TENM3: variants seen among roughly 807,000 people sequenced by gnomAD.
The protein encoded by TENM3 is teneurin transmembrane protein 3, also known as teneurin-3.
Under a neutral mutation model 255.1 loss-of-function variants are expected in TENM3, and 63 were observed. The ratio of observed to expected loss-of-function variants is 0.25; its 90% CI spans 0.20 to 0.30. TENM3 has a LOEUF of 0.30. Ranked by LOEUF, TENM3 falls within the 10% of genes least tolerant of loss-of-function variation. TENM3 has a pLI of 1.00. For synonymous variants in TENM3, 1,306 were observed against 1,322.3 expected, an observed-to-expected ratio of 0.99 and a Z score of 0.27; for missense variants, 2,929 against 3,461.1, an observed-to-expected ratio of 0.85 and a Z score of 3.86.
chr4:182,100,804 TATAC>T, the TENM3 span, among the ~76,000 whole-genome samples: 8 of 1,898 alleles, frequency 4.2e-3, 2 homozygotes, highest in South Asian at 0.1. Flanking sequence ...TACACATATA[TATAC>T]ACATATATAT....
chr4:182,640,604 G>T (rs954656300), intron 5 of TENM3, among the ~76,000 whole-genome samples: 1 of 152,004 alleles, frequency 6.6e-6, no homozygotes, highest in Non-Finnish European at 1.5e-5. Context: ...TTGGAAAAGA[G>T]TCACATAAAG....
At position 182,379,124 on chromosome 4, in the gene TENM3, TC is replaced by T. The variant is rs1299164121; in HGVS notation, c.511+32198del. On this transcript the variant is annotated intron_variant, in intron 3 of 27. Transcript: ENST00000511685. ...CAGGCTTGGTGGCTCACGCCTGTAA[TC>T]CCAGCACTTTGGGAGGCCGGGGCGG... is the stretch of plus-strand genomic sequence containing the variant. Among the ~76,000 whole-genome samples, 3 of 152,296 alleles carry T rather than the reference TC, an allele frequency of 2.0e-5. No homozygotes were observed. In the East Asian group the frequency reaches 5.8e-4, roughly 29 times the overall value.
chr4:182,205,706 CG>C (rs1188855220), intron 1 of TENM3, among the ~76,000 whole-genome samples: 1 of 152,186 alleles, frequency 6.6e-6, no homozygotes, highest in Non-Finnish European at 1.5e-5. Context: ...TATTTATTTG[CG>C]TATTTATCTA....
chr4:181,450,937 A>C, the TENM3 span, among the ~76,000 whole-genome samples: 307 of 152,348 alleles, frequency 2.0e-3, 4 homozygotes, highest in South Asian at 0.035. Flanking sequence ...TGTAAGCAGC[A>C]TTCTCTCAGG....
At chr4:182,602,011 A>C (rs529081481) in intron 4 of TENM3, among the ~76,000 whole-genome samples, 43 of 152,374 alleles carry the variant, frequency 2.8e-4, no homozygotes, top group African/African-American at 9.1e-4. Flanking sequence ...AACTGCTCAT[A>C]CAAAAGTATG....
At chr4:182,788,721 T>A (rs2152824314) in intron 24 of TENM3, among the ~76,000 whole-genome samples, 1 of 152,350 alleles carries the variant, frequency 6.6e-6, no homozygotes, top group South Asian at 2.1e-4. Context: ...CATGATTAAT[T>A]TACTAAGCAA....
chr4:182,193,549 A>G (rs1431004534), intron 1 of TENM3, among the ~76,000 whole-genome samples: 1 of 152,250 alleles, frequency 6.6e-6, no homozygotes, highest in Non-Finnish European at 1.5e-5. Flanking sequence ...TTAAAAAACA[A>G]TAGCGTCCTG....
chr4:182,684,379 C>T (rs1019843264), intron 11 of TENM3, among the ~76,000 whole-genome samples: 1 of 131,716 alleles, frequency 7.6e-6, no homozygotes, highest in African/African-American at 2.9e-5. Flanking sequence ...CAGTAAGTGG[C>T]TGAGAACCAG....
chr4:181,797,624 G>A, the TENM3 span, among the ~76,000 whole-genome samples: 29 of 152,156 alleles, frequency 1.9e-4, no homozygotes, highest in Non-Finnish European at 4.0e-4. Flanking sequence ...ACTGGCAGAA[G>A]GACTTGAGCC....
At chr4:181,531,231 A>C in the TENM3 span, among the ~76,000 whole-genome samples, 1 of 152,190 alleles carries the variant, frequency 6.6e-6, no homozygotes, top group Non-Finnish European at 1.5e-5. Context: ...AGAGCAAGGA[A>C]GGGGGAAAAC....
intron 23 of TENM3, 118 bp from the exon 24 acceptor site, chr4:182,774,800 A>G (rs1198458335): frequency 7.5e-6 from 5 of 668,014 alleles, no homozygotes; most frequent in Admixed American, 2.8e-5. Flanking sequence ...AAAGGACATC[A>G]TCAGGTACTC....
At chr4:182,152,824 T>C (rs184503573) in intron 1 of TENM3, among the ~76,000 whole-genome samples, 2 of 151,964 alleles carry the variant, frequency 1.3e-5, no homozygotes, top group Admixed American at 6.6e-5. Context: ...CAGAATTTGC[T>C]TAGTGTGGTA....
intron 3 of TENM3, among the ~76,000 whole-genome samples, chr4:182,488,684 A>G (rs558645802): frequency 6.6e-6 from 1 of 152,312 alleles, no homozygotes; most frequent in African/African-American, 2.4e-5. Flanking sequence ...AGGACAACTG[A>G]AAGCCTAATG....
At chr4:182,495,023 T>C (rs1485646037) in intron 3 of TENM3, among the ~76,000 whole-genome samples, 4 of 152,174 alleles carry the variant, frequency 2.6e-5, no homozygotes, top group Non-Finnish European at 2.9e-5. Flanking sequence ...CACTTTTTCA[T>C]AGGCATCTTG....
In TENM3 at chr4:182,679,767, C is replaced by T. The variant is rs1428231864; in HGVS notation, c.1428C>T (p.Ser476=). The T allele has an allele frequency of 6.2e-7, 1 of 1,613,882 alleles. No homozygotes were observed. The highest frequency in any genetic ancestry group is 2.2e-5 in the East Asian group (1 of 44,870). The change falls in exon 8 of 28, where the codon AGC becomes AGT. Residue 476 remains serine (S), a synonymous_variant. Coordinates refer to ENST00000511685, the MANE Select transcript of TENM3 (RefSeq NM_001080477.4). ...CCGGGCGGCAGGCGAGATCCGTCAG[C>T]CTTCATGAGGCCGGCTTTATCCAGT... ...ERAGRQARSV[S]LHEAGFIQYL... is the part of the protein sequence containing the mutation.
chr4:182,473,033 A>T (rs1733285886), intron 3 of TENM3, among the ~76,000 whole-genome samples: 1 of 152,198 alleles, frequency 6.6e-6, no homozygotes, highest in African/African-American at 2.4e-5. Flanking sequence ...GATGCTCACC[A>T]TCAGGTATTT....
rs775700730 is a variant in TENM3 at position 182,789,138 on chromosome 4, A to G, written c.5350A>G (p.Lys1784Glu). Residue 1784 changes from lysine (K) to glutamate (E), a missense_variant, in exon 25 of 28, where the codon AAG (lysine) becomes GAG (glutamate). Coordinates refer to ENST00000511685, the MANE Select transcript of TENM3 (RefSeq NM_001080477.4). This position sits in a 1 kb window ranked among gnomAD's most constrained non-coding sequence, Gnocchi z 4.4. Reference protein sequence around the residue: ...LLSVDFDRTTKTEKIYDDHRK... With the variant: ...LLSVDFDRTTETEKIYDDHRK... The stretch of plus-strand genomic sequence containing the variant: ...TTCAGTTGACTTTGATCGAACAACA[A>G]AGACAGAAAAGATCTATGACGACCA... 1.2e-6 allele frequency: 2 copies of G among 1,612,096 alleles called. No individual in the cohort carries two copies. Among genetic ancestry groups the G allele is most frequent in the Non-Finnish European group, 1.7e-6 (2 of 1,178,752 alleles).
the TENM3 span, among the ~76,000 whole-genome samples, chr4:181,922,288 G>C: frequency 6.6e-6 from 1 of 152,098 alleles, no homozygotes; most frequent in East Asian, 1.9e-4. Flanking sequence ...TCTATTGATT[G>C]GAATAGTTTC....
At chr4:182,502,878 G>A (rs1432298572) in intron 3 of TENM3, among the ~76,000 whole-genome samples, 1 of 144,018 alleles carries the variant, frequency 6.9e-6, no homozygotes, top group African/African-American at 2.6e-5. Context: ...TAATTGGTGG[G>A]CTTCACTGTT....
Sources: gnomAD v4.1 joint callset for allele counts (sites outside exome capture counted in the v4.1 genomes callset) on GRCh38, gnomAD v4.1.1 for gene constraint, Gnocchi (gnomAD v3.1) non-coding constraint, MANE v1.5 for transcripts, NCBI Gene and HGNC (gene_info 2026-07-23, HGNC 2026-07-21) for gene names.